Variants in GLRX3 observed in about 807,000 individuals in gnomAD.
GLRX3 encodes the protein glutaredoxin 3.
A neutral mutation model predicts 49.5 loss-of-function variants in GLRX3; 22 were observed. The observed-to-expected ratio is 0.44, with a 90% CI of 0.32 to 0.63. The LOEUF is 0.63. Ranked by LOEUF, GLRX3 falls within the 30% of genes least tolerant of loss-of-function variation. GLRX3 has a pLI of 0.05. For synonymous variants in GLRX3, 133 were observed against 140.0 expected (o/e 0.95, Z 0.35); for missense variants, 385 against 396.3 (o/e 0.97, Z 0.24).
intron 7 of GLRX3, among the ~76,000 whole-genome samples, chr10:130,170,398 TATAAGTTAAC>T (rs1245095121): frequency 2.0e-5 from 3 of 152,236 alleles, no homozygotes; most frequent in African/African-American, 7.2e-5. Flanking sequence ...ATAACTAGTG[TATAAGTTAAC>T]ATAACTAGTA....
chr10:130,159,198 T>C (rs961449949), intron 2 of GLRX3, among the ~76,000 whole-genome samples: 2 of 152,230 alleles, frequency 1.3e-5, no homozygotes, highest in African/African-American at 4.8e-5. Flanking sequence ...GACAGTCCTA[T>C]GAGGGAAGGA....
intron 10 of GLRX3, among the ~76,000 whole-genome samples, chr10:130,176,414 CT>C (rs1446829930): frequency 6.6e-6 from 1 of 152,200 alleles, no homozygotes; most frequent in Non-Finnish European, 1.5e-5. Flanking sequence ...GTCACCGCGC[CT>C]GGCCAAAATA....
chr10:130,148,803 C>A (rs1862316661), intron 2 of GLRX3, among the ~76,000 whole-genome samples: 1 of 152,028 alleles, frequency 6.6e-6, no homozygotes, highest in African/African-American at 2.4e-5. Context: ...TGGCTCACAC[C>A]TGTAATCCCA....
At chr10:130,163,866 C>T (rs1038441782) in intron 4 of GLRX3, among the ~76,000 whole-genome samples, 8 of 152,184 alleles carry the variant, frequency 5.3e-5, no homozygotes, top group South Asian at 2.1e-4. Context: ...TGAACACGCA[C>T]GTGGCTGCTC....
At chr10:130,160,126 T>TACAA in intron 3 of GLRX3, 57 bp downstream of exon 3, 1 of 1,039,048 alleles carries the variant, frequency 9.6e-7, no homozygotes, top group Non-Finnish European at 1.5e-6. Context: ...TGGGGCTACC[T>TACAA]ATTTTGTTTC....
chr10:130,137,517 A>G (rs1195684844), intron 1 of GLRX3, among the ~76,000 whole-genome samples: 1 of 152,168 alleles, frequency 6.6e-6, no homozygotes, highest in African/African-American at 2.4e-5. Flanking sequence ...GTAGCCATGT[A>G]ACCCCTGGGC....
intron 1 of GLRX3, among the ~76,000 whole-genome samples, chr10:130,136,895 C>T (rs923900875): frequency 6.6e-6 from 1 of 152,088 alleles, no homozygotes; most frequent in Non-Finnish European, 1.5e-5. Flanking sequence ...GACGGGGCGG[C>T]GCCGAGACCC....
Position 130,170,661 on chromosome 10 carries a change from A to C in GLRX3, c.772-923A>C, listed in dbSNP as rs780966258. Reference sequence around the variant, plus strand: ...TAAGTGGATATTTATTCTCAAAACTATTTTTTTCTGGAAACCTAGAAAGTA... The same window carrying C: ...TAAGTGGATATTTATTCTCAAAACTCTTTTTTTCTGGAAACCTAGAAAGTA... On this transcript the variant is annotated intron_variant, in intron 7 of 10. Transcript: ENST00000331244. Among the ~76,000 whole-genome samples, 70 of 152,012 alleles carry C rather than the reference A, an allele frequency of 4.6e-4. 1 individual carries two copies. Among genetic ancestry groups the C allele is most frequent in the Middle Eastern group, 3.4e-3 (1 of 292 alleles).
chr10:130,171,018 C>A lies in GLRX3; in HGVS notation c.772-566C>A, dbSNP rs560219667. On this transcript the variant is annotated intron_variant, in intron 7 of 10. Transcript: ENST00000331244. ...TGGCGCATGCCTATAGTCCCAGCTA[C>A]TCGGGAGGCTGAGGCAGGAGAATCG... Among the ~76,000 whole-genome samples the A allele has an allele frequency of 2.9e-4, 44 of 152,006 alleles. No homozygotes were observed. In the South Asian group the frequency reaches 9.1e-3, roughly 32 times the overall value.
rs975020914 is a variant in GLRX3, at chr10:130,136,391, A to G, written c.-30A>G. On this transcript the variant is annotated 5_prime_UTR_variant, in exon 1 of 11. Transcript: ENST00000331244. Reference sequence around the variant, plus strand: ...GCCCCGCCCACATCCGGCCGCCGGCACTGGATTGCTTCTGTCTGGCGGCGG... The same window carrying G: ...GCCCCGCCCACATCCGGCCGCCGGCGCTGGATTGCTTCTGTCTGGCGGCGG... 1.6e-5 allele frequency: 20 copies of G among 1,244,454 alleles called. No homozygotes were observed. Among genetic ancestry groups the G allele is most frequent in the Non-Finnish European group, 2.0e-5 (20 of 988,962 alleles). 77.1% of individuals were successfully genotyped at this position (1,244,454 alleles called of 1,614,324 possible).
At chr10:130,156,848 G>A (rs538497925) in intron 2 of GLRX3, among the ~76,000 whole-genome samples, 1 of 152,284 alleles carries the variant, frequency 6.6e-6, no homozygotes, top group Admixed American at 6.5e-5. Flanking sequence ...GAGGCATTTT[G>A]CCTGGATTCT....
intron 8 of GLRX3, among the ~76,000 whole-genome samples, chr10:130,173,826 G>A (rs771172337): frequency 5.3e-5 from 8 of 152,000 alleles, no homozygotes; most frequent in East Asian, 1.9e-4. Flanking sequence ...GATTTATCCC[G>A]TCATTTAGTT....
At chr10:130,149,039 CAG>C (rs201700561) in intron 2 of GLRX3, among the ~76,000 whole-genome samples, 1,587 of 152,172 alleles carry the variant, frequency 0.01, 33 homozygotes, top group African/African-American at 0.036. Context: ...GCTTGGGTGA[CAG>C]AGTGAGACCT....
At chr10:130,146,395 A>G (rs986030788) in intron 2 of GLRX3, among the ~76,000 whole-genome samples, 1 of 152,168 alleles carries the variant, frequency 6.6e-6, no homozygotes, top group Non-Finnish European at 1.5e-5. Context: ...CCTGTTCAGA[A>G]TGTAGAGGAA....
intron 8 of GLRX3, among the ~76,000 whole-genome samples, chr10:130,172,460 T>C (rs533946207): frequency 1.3e-4 from 20 of 152,354 alleles, no homozygotes; most frequent in African/African-American, 2.2e-4. Context: ...TTTGGAGATA[T>C]ACAGCACATG....
At chr10:130,159,863 A>G (rs947062044) in intron 2 of GLRX3, 132 bp from the exon 3 acceptor site, 3 of 1,343,344 alleles carry the variant, frequency 2.2e-6, no homozygotes, top group African/African-American at 2.9e-5. Flanking sequence ...TAAATGTGTC[A>G]TAAACTTTTG....
chr10:130,172,231 T>C (rs1254246237), intron 8 of GLRX3, among the ~76,000 whole-genome samples: 3 of 152,202 alleles, frequency 2.0e-5, no homozygotes, highest in Admixed American at 6.5e-5. Context: ...CATAAAGATA[T>C]TTCAGGGGAA....
intron 10 of GLRX3, among the ~76,000 whole-genome samples, chr10:130,177,934 T>C (rs1484321082): frequency 6.6e-6 from 1 of 152,216 alleles, no homozygotes; most frequent in Non-Finnish European, 1.5e-5. Context: ...TTATTTATCA[T>C]GTCTGTCCTT....
chr10:130,139,092 C>G (rs1209978603), intron 1 of GLRX3, among the ~76,000 whole-genome samples: 1 of 151,854 alleles, frequency 6.6e-6, no homozygotes, highest in East Asian at 2.0e-4. Context: ...AACTCCTGAC[C>G]TTAGGTGATG....
Sources: allele counts gnomAD v4.1 joint callset (sites outside exome capture counted in the v4.1 genomes callset), GRCh38; gene constraint gnomAD v4.1.1; transcripts MANE v1.5; gene names NCBI Gene and HGNC (gene_info 2026-07-23, HGNC 2026-07-21).